Variants in COL26A1 observed in about 807,000 individuals in gnomAD.
COL26A1 encodes the protein collagen type XXVI alpha 1 chain, also known as collagen alpha-1(XXVI) chain.
COL26A1 carries 41 observed loss-of-function variants against 59.3 expected under a neutral mutation model. That is an observed-to-expected ratio of 0.69 (90% CI 0.54 to 0.90). The LOEUF is 0.90. Ranked by LOEUF, COL26A1 falls within the 40% of genes least tolerant of loss-of-function variation. The pLI is 0.00. For missense variants in COL26A1, 612 were observed against 602.3 expected (o/e 1.02, Z -0.17); for synonymous variants, 266 against 256.0 (o/e 1.04, Z -0.37).
chr7:101,542,393 A>C (rs1584500438), intron 5 of COL26A1, among the ~76,000 whole-genome samples: 1 of 152,140 alleles, frequency 6.6e-6, no homozygotes, highest in African/African-American at 2.4e-5. Flanking sequence ...GAGCTAGCGC[A>C]CCCAGCCTAC....
chr7:101,386,269 T>G (rs11441047), intron 1 of COL26A1, among the ~76,000 whole-genome samples: 41 of 134,408 alleles, frequency 3.1e-4, no homozygotes, highest in South Asian at 4.7e-4. Flanking sequence ...TTTTTTTTTT[T>G]TTTTTTTTTT....
At chr7:101,499,363 G>A (rs1794653484) in intron 3 of COL26A1, among the ~76,000 whole-genome samples, 1 of 152,068 alleles carries the variant, frequency 6.6e-6, no homozygotes, top group Non-Finnish European at 1.5e-5. Context: ...GCAACATGAT[G>A]AGATCCTGTC....
Position 101,555,791 on chromosome 7 carries a change from A to G in COL26A1, c.1085A>G (p.Glu362Gly). 1.2e-6 allele frequency: 2 copies of G among 1,609,062 alleles called. No homozygotes were observed. The highest frequency in any genetic ancestry group is 1.7e-6 in the Non-Finnish European group (2 of 1,178,294). Reference sequence around the variant, plus strand: ...TGCCTGTTTCCTCCCCGCCAGGGCGAGGGGGTGCAGCAGCTGAGAGAGGCC... The same window carrying G: ...TGCCTGTTTCCTCCCCGCCAGGGCGGGGGGGTGCAGCAGCTGAGAGAGGCC... Reference protein sequence around the residue: ...EGEKAATAEGEGVQQLREALK... With the variant: ...EGEKAATAEGGGVQQLREALK... Residue 362 changes from glutamate (E) to glycine (G), a missense_variant, in exon 12 of 13, where the codon GAG (glutamate) becomes GGG (glycine). Physicochemically the swap from Glu to Gly is moderately conservative, Grantham distance 98. Transcript: ENST00000313669.
intron 3 of COL26A1, among the ~76,000 whole-genome samples, chr7:101,529,745 A>T (rs1012720161): frequency 6.6e-6 from 1 of 152,192 alleles, no homozygotes; most frequent in African/African-American, 2.4e-5. Context: ...GTTGCTGCAA[A>T]GGACATGATT....
chr7:101,436,707 C>T (rs922168032), intron 2 of COL26A1, among the ~76,000 whole-genome samples: 2 of 149,352 alleles, frequency 1.3e-5, no homozygotes, highest in African/African-American at 5.1e-5. Context: ...GAGCCCTCCC[C>T]ACCAGCATTT....
intron 3 of COL26A1, among the ~76,000 whole-genome samples, chr7:101,483,619 T>C (rs932333421): frequency 1.3e-5 from 2 of 151,754 alleles, no homozygotes; most frequent in African/African-American, 4.8e-5. Flanking sequence ...GCCATCCTCC[T>C]GCCTCAGCCT....
At chr7:101,511,187 C>T (rs1794916483) in intron 3 of COL26A1, among the ~76,000 whole-genome samples, 1 of 152,190 alleles carries the variant, frequency 6.6e-6, no homozygotes, top group South Asian at 2.1e-4. Context: ...CAGGCGTGAG[C>T]CACCGCACCC....
At chr7:101,466,400 G>T (rs1289521461) in intron 3 of COL26A1, among the ~76,000 whole-genome samples, 1 of 152,016 alleles carries the variant, frequency 6.6e-6, no homozygotes, top group Non-Finnish European at 1.5e-5. Flanking sequence ...GCACAATAGT[G>T]TTAGAAACCC....
chr7:101,544,049 A>T lies in COL26A1; in HGVS notation c.656A>T (p.Lys219Ile). ...GGGCCTGCAGGCCCCCCCGGGTCTA[A>T]AGGTGACCGAGGCCAGACAGGAGAG... ...PPGPAGPPGS[K>I]GDRGQTGEKG... Residue 219 changes from lysine to isoleucine, a missense_variant, in exon 6 of 13, where the codon AAA (lysine) becomes ATA (isoleucine). Transcript: ENST00000313669. 1 of 1,604,390 alleles carries T rather than the reference A, an allele frequency of 6.2e-7. No homozygotes were observed. Among genetic ancestry groups the T allele is most frequent in the Non-Finnish European group, 8.5e-7 (1 of 1,176,108 alleles).
At chr7:101,428,458 A>C (rs1401512836) in intron 2 of COL26A1, among the ~76,000 whole-genome samples, 1 of 152,038 alleles carries the variant, frequency 6.6e-6, no homozygotes, top group African/African-American at 2.4e-5. Flanking sequence ...TTCAGGGAGG[A>C]AAAGGAAGAT....
chr7:101,471,648 C>T (rs1793908726), intron 3 of COL26A1, among the ~76,000 whole-genome samples: 1 of 134,928 alleles, frequency 7.4e-6, no homozygotes, highest in African/African-American at 2.8e-5. Context: ...GGCACAGTCT[C>T]AGCTCACTGC....
intron 2 of COL26A1, among the ~76,000 whole-genome samples, chr7:101,428,679 ATGTG>A (rs151054113): frequency 1.3e-5 from 2 of 150,342 alleles, no homozygotes; most frequent in African/African-American, 2.4e-5. Flanking sequence ...GTGTGTGTGT[ATGTG>A]TGTGTGTGTG....
intron 3 of COL26A1, among the ~76,000 whole-genome samples, chr7:101,468,634 G>T (rs1793822571): frequency 2.0e-5 from 3 of 152,222 alleles, no homozygotes; most frequent in African/African-American, 4.8e-5. Flanking sequence ...TAGACACAAG[G>T]TCAGGTATAA....
intron 2 of COL26A1, among the ~76,000 whole-genome samples, chr7:101,434,378 C>T (rs1308506516): frequency 6.6e-6 from 1 of 151,732 alleles, no homozygotes; most frequent in African/African-American, 2.4e-5. Flanking sequence ...CTCAGCCTCC[C>T]GAGTAGCTGG....
chr7:101,443,304 C>T (rs1793106866), intron 2 of COL26A1, among the ~76,000 whole-genome samples: 1 of 152,100 alleles, frequency 6.6e-6, no homozygotes, highest in South Asian at 2.1e-4. Context: ...CACAACCACG[C>T]TACCCCCAGA....
intron 3 of COL26A1, among the ~76,000 whole-genome samples, chr7:101,448,116 C>T (rs187145103): frequency 4.9e-4 from 74 of 152,318 alleles, no homozygotes; most frequent in Middle Eastern, 3.4e-3. Flanking sequence ...CACCCAGAAC[C>T]CCTGGGGCAG....
At chr7:101,423,871 C>T (rs531491096) in intron 2 of COL26A1, among the ~76,000 whole-genome samples, 30 of 152,080 alleles carry the variant, frequency 2.0e-4, no homozygotes, top group Non-Finnish European at 4.0e-4. Context: ...ATAAGTCTCC[C>T]CTTTGCCTAT....
rs1793236986 is a variant in COL26A1, at chr7:101,447,792, G to A, written c.385+5G>A. 1.9e-6 allele frequency: 3 copies of A among 1,586,884 alleles called. No homozygotes were observed. In the East Asian group the frequency reaches 6.8e-5, roughly 36 times the overall value. On this transcript the variant is annotated splice_donor_5th_base_variant and intron_variant, in intron 3 of 12. Coordinates refer to ENST00000313669, the MANE Select transcript of COL26A1 (RefSeq NM_001278563.3). Reference sequence around the variant, plus strand: ...CCGGGAGCAACTGTGATGAGGGTAAGTTGGCAGGCACTTGGGCTGCAGGGG... The same window carrying A: ...CCGGGAGCAACTGTGATGAGGGTAAATTGGCAGGCACTTGGGCTGCAGGGG...
At chr7:101,450,185 G>A (rs908997182) in intron 3 of COL26A1, among the ~76,000 whole-genome samples, 13 of 151,652 alleles carry the variant, frequency 8.6e-5, no homozygotes, top group Admixed American at 1.3e-4. Context: ...GGGGCAGGCC[G>A]GGCACAGGAG....
Sources: allele counts gnomAD v4.1 joint callset (sites outside exome capture counted in the v4.1 genomes callset), GRCh38; gene constraint gnomAD v4.1.1; transcripts MANE v1.5; gene names NCBI Gene and HGNC (gene_info 2026-07-23, HGNC 2026-07-21).